Variants in PTH2R observed in about 807,000 individuals in gnomAD.
PTH2R encodes PTH2 receptor.
A neutral mutation model predicts 60.3 loss-of-function variants in PTH2R; 59 were observed. The ratio of observed to expected loss-of-function variants is 0.98; its 90% CI spans 0.79 to 1.22. PTH2R has a LOEUF of 1.22. Ranked by LOEUF, PTH2R falls within the 50% of genes most tolerant of loss-of-function variation. The pLI is 0.00. For synonymous variants in PTH2R, 256 were observed against 243.8 expected (o/e 1.05, Z -0.47); for missense variants, 749 against 682.6 (o/e 1.10, Z -1.08).
chr2:208,481,455 CCTG>C (rs904324059), intron 10 of PTH2R, among the ~76,000 whole-genome samples: 1 of 152,128 alleles, frequency 6.6e-6, no homozygotes, highest in Admixed American at 6.5e-5. Flanking sequence ...AGGTGATCTG[CCTG>C]CCTTGGCCTC....
chr2:208,427,986 T>C (rs1283383021), intron 1 of PTH2R, among the ~76,000 whole-genome samples: 1 of 152,054 alleles, frequency 6.6e-6, no homozygotes, highest in Non-Finnish European at 1.5e-5. Context: ...CTTTTTCTGG[T>C]ATGAGATTTT....
intron 9 of PTH2R, among the ~76,000 whole-genome samples, chr2:208,469,272 GT>G (rs1034630287): frequency 7.9e-5 from 12 of 152,148 alleles, no homozygotes; most frequent in Admixed American, 6.5e-4. Context: ...ATGTGGCATG[GT>G]TTTAAGTAAA....
rs79074461 is a variant in PTH2R at position 208,398,957 on chromosome 2, A to G, written c.-258-29244A>G. Among the ~76,000 whole-genome samples, 1,307 of 152,312 alleles carry G rather than the reference A, an allele frequency of 8.6e-3. 21 individuals carry two copies. Among genetic ancestry groups the G allele is most frequent in the African/African-American group, 0.029 (1,215 of 41,568 alleles). On this transcript the variant is annotated intron_variant, in intron 1 of 12. Transcript: ENST00000617735. ...TGGCACAGATTTCCAAAATAACCCT[A>G]TTCTCATGCAGTAGGATAAGTTTTA...
At chr2:208,388,870 C>T (rs774983055) in intron 1 of PTH2R, among the ~76,000 whole-genome samples, 6 of 152,112 alleles carry the variant, frequency 3.9e-5, no homozygotes, top group Admixed American at 1.3e-4. Flanking sequence ...TTTTAGCTAG[C>T]GCTTACAGCA....
intron 9 of PTH2R, among the ~76,000 whole-genome samples, chr2:208,468,480 T>C (rs184644439): frequency 1.9e-4 from 29 of 152,292 alleles, no homozygotes; most frequent in Admixed American, 1.6e-3. Context: ...CTAACATCTC[T>C]GATAATCCAG....
At chr2:208,417,726 A>C (rs1227024953) in intron 1 of PTH2R, among the ~76,000 whole-genome samples, 1 of 151,766 alleles carries the variant, frequency 6.6e-6, no homozygotes, top group South Asian at 2.1e-4. Context: ...CAAACGTGGG[A>C]ATCTATGGTC....
intron 7 of PTH2R, among the ~76,000 whole-genome samples, chr2:208,446,882 C>A (rs773997977): frequency 1.3e-5 from 2 of 152,158 alleles, no homozygotes; most frequent in Non-Finnish European, 1.5e-5. Context: ...ATATGCCTTG[C>A]AGGATACTTT....
At chr2:208,485,575 G>T (rs191218110) in intron 10 of PTH2R, among the ~76,000 whole-genome samples, 388 of 152,278 alleles carry the variant, frequency 2.5e-3, no homozygotes, top group African/African-American at 8.8e-3. Context: ...CATTTGCCTG[G>T]CATATGCAAA....
chr2:208,407,823 T>A (rs1440820734), intron 1 of PTH2R, among the ~76,000 whole-genome samples: 1 of 152,066 alleles, frequency 6.6e-6, no homozygotes, highest in African/African-American at 2.4e-5. Flanking sequence ...ATGCGTGTAG[T>A]GGTGGATGTT....
intron 4 of PTH2R, among the ~76,000 whole-genome samples, chr2:208,440,715 T>C (rs951164794): frequency 6.6e-6 from 1 of 152,150 alleles, no homozygotes; most frequent in African/African-American, 2.4e-5. Flanking sequence ...TTTATACCAA[T>C]AGCAGACAAG....
chr2:208,452,640 G>A (rs573774050), intron 8 of PTH2R, among the ~76,000 whole-genome samples: 5 of 152,224 alleles, frequency 3.3e-5, no homozygotes, highest in South Asian at 2.1e-4. Context: ...CAGTGATAAC[G>A]ACAGCAAATT....
chr2:208,448,097 T>C (rs1317628386), intron 7 of PTH2R, among the ~76,000 whole-genome samples: 1 of 152,134 alleles, frequency 6.6e-6, no homozygotes, highest in Non-Finnish European at 1.5e-5. Context: ...CATAATATGT[T>C]CCCTGAAAAT....
At chr2:208,486,522 A>T (rs1183890525) in intron 10 of PTH2R, among the ~76,000 whole-genome samples, 1 of 152,238 alleles carries the variant, frequency 6.6e-6, no homozygotes, top group Admixed American at 6.5e-5. Flanking sequence ...AGGAAAAATC[A>T]GTAGCTTGAT....
chr2:208,439,194 A>G (rs1023280778), intron 4 of PTH2R, among the ~76,000 whole-genome samples: 5 of 152,072 alleles, frequency 3.3e-5, no homozygotes, highest in Non-Finnish European at 7.4e-5. Context: ...TCTTATAACC[A>G]TTTTCTGTGA....
Position 208,450,823 on chromosome 2 carries a change from CA to C in PTH2R, c.914+15del, listed in dbSNP as rs1203074172. On this transcript the variant is annotated intron_variant, in intron 8 of 12. Transcript: ENST00000272847. ...GGCTGATGCGAGGTGAGTGAAAAGG[CA>C]GGGGAAACGAGAGAACCTCAGATGT... 1 of 1,612,842 alleles carries C rather than the reference CA, an allele frequency of 6.2e-7. No homozygotes were observed. The highest frequency in any genetic ancestry group is 8.5e-7 in the Non-Finnish European group (1 of 1,179,052).
At chr2:208,425,000 C>G (rs1701828720) in intron 1 of PTH2R, among the ~76,000 whole-genome samples, 1 of 151,948 alleles carries the variant, frequency 6.6e-6, no homozygotes, top group East Asian at 1.9e-4. Flanking sequence ...ATCAAAAGAC[C>G]ACTGGGAAAC....
chr2:208,412,754 A>G lies in PTH2R; in HGVS notation c.75+5636A>G, dbSNP rs541663189. 7.9e-5 allele frequency among the ~76,000 whole-genome samples: 12 copies of G among 152,286 alleles called. No homozygotes were observed. In the South Asian group the frequency reaches 2.5e-3, roughly 32 times the overall value. On this transcript the variant is annotated intron_variant, in intron 1 of 12. Transcript: ENST00000272847. ...TAGAGTTCCAGCATACCAGAGATTC[A>G]TATTTTTTCAGGTTATCAACAGAGC... is the stretch of plus-strand genomic sequence containing the variant.
At chr2:208,446,274 T>A (rs1414609093) in intron 7 of PTH2R, among the ~76,000 whole-genome samples, 3 of 152,286 alleles carry the variant, frequency 2.0e-5, no homozygotes, top group South Asian at 2.1e-4. Context: ...CAGTTAGGAG[T>A]TTGTCCCACC....
chr2:208,387,779 TCTCA>T (rs1183508817), intron 1 of PTH2R, among the ~76,000 whole-genome samples: 2 of 152,194 alleles, frequency 1.3e-5, no homozygotes, highest in Admixed American at 1.3e-4. Flanking sequence ...GACCTGTATG[TCTCA>T]CTCACTGATC....
Sources: gnomAD v4.1 joint callset for allele counts (sites outside exome capture counted in the v4.1 genomes callset) on GRCh38, gnomAD v4.1.1 for gene constraint, MANE v1.5 for transcripts, NCBI Gene and HGNC (gene_info 2026-07-23, HGNC 2026-07-21) for gene names.